The following MITF variants were observed in gnomAD, a reference collection of about 807,000 sequenced individuals.
The protein encoded by MITF is melanocyte inducing transcription factor, also known as microphthalmia-associated transcription factor.
A neutral mutation model predicts 60.5 loss-of-function variants in MITF; 17 were observed. The observed-to-expected ratio is 0.28, with a 90% confidence interval of 0.19 to 0.42. The LOEUF is 0.42. MITF is among the 10% of genes least tolerant of loss of function. The pLI, the probability that MITF is intolerant of heterozygous loss-of-function variation, is 1.00. For missense variants in MITF, 622 were observed against 683.5 expected, an observed-to-expected ratio of 0.91 and a Z score of 1.00; for synonymous variants, 260 against 248.5, an observed-to-expected ratio of 1.05 and a Z score of -0.43.
chr3:69,857,661 G>A (rs544249596), intron 1 of MITF, among the ~76,000 whole-genome samples: 2 of 152,034 alleles, frequency 1.3e-5, no homozygotes, highest in African/African-American at 4.8e-5. Context: ...GGTTGCAAAT[G>A]CATTCAATTT....
chr3:69,826,362 GA>G (rs2063354397), intron 1 of MITF, among the ~76,000 whole-genome samples: 1 of 152,156 alleles, frequency 6.6e-6, no homozygotes, highest in Non-Finnish European at 1.5e-5. Context: ...TTGGGAAATT[GA>G]TTCTTCCTCA....
At chr3:69,795,826 G>A (rs7634376) in intron 1 of MITF, among the ~76,000 whole-genome samples, 52,451 of 151,824 alleles carry the variant, frequency 0.35, 9,932 homozygotes, top group Non-Finnish European at 0.42. Context: ...AATTTCAAAG[G>A]CACGTATTTA....
At chr3:69,752,694 A>G (rs573587380) in intron 1 of MITF, among the ~76,000 whole-genome samples, 1 of 152,330 alleles carries the variant, frequency 6.6e-6, no homozygotes, top group South Asian at 2.1e-4. Context: ...GAAGCAGAGT[A>G]TAAAAGTTTG....
chr3:69,766,395 T>TC (rs2062294659), intron 1 of MITF, among the ~76,000 whole-genome samples: 1 of 145,194 alleles, frequency 6.9e-6, no homozygotes, highest in Non-Finnish European at 1.5e-5. Flanking sequence ...TTTTTTTTTT[T>TC]TTTTTTTTTT....
At chr3:69,857,102 G>C (rs1212917222) in intron 1 of MITF, among the ~76,000 whole-genome samples, 1 of 151,938 alleles carries the variant, frequency 6.6e-6, no homozygotes. Context: ...ATGAAGTAGT[G>C]ACCTAAACAG....
chr3:69,813,579 A>G (rs2063134452), intron 1 of MITF, among the ~76,000 whole-genome samples: 1 of 152,160 alleles, frequency 6.6e-6, no homozygotes, highest in Admixed American at 6.6e-5. Flanking sequence ...ATTGGAACAC[A>G]AGTCTCTTGA....
intron 1 of MITF, among the ~76,000 whole-genome samples, chr3:69,814,377 G>A (rs891972360): frequency 3.9e-5 from 6 of 151,976 alleles, no homozygotes; most frequent in African/African-American, 1.2e-4. Context: ...CACCTAGGAC[G>A]GCGTGCAGTG....
At chr3:69,804,015 G>A (rs183320691) in intron 1 of MITF, among the ~76,000 whole-genome samples, 1 of 152,012 alleles carries the variant, frequency 6.6e-6, no homozygotes, top group Non-Finnish European at 1.5e-5. Context: ...CCTGTGCTGG[G>A]CTTATGGAAG....
chr3:69,864,252 A>G (rs1190952734), intron 1 of MITF, among the ~76,000 whole-genome samples: 4 of 152,200 alleles, frequency 2.6e-5, no homozygotes, highest in Admixed American at 2.6e-4. Flanking sequence ...CTGGATAAAT[A>G]AACGTCAGAA....
intron 1 of MITF, among the ~76,000 whole-genome samples, chr3:69,795,762 A>C (rs2062817137): frequency 6.6e-6 from 1 of 152,176 alleles, no homozygotes; most frequent in African/African-American, 2.4e-5. Context: ...TAATTACAAC[A>C]TGCAAATATT....
intron 1 of MITF, among the ~76,000 whole-genome samples, chr3:69,768,497 G>C (rs1420764651): frequency 6.6e-6 from 1 of 152,168 alleles, no homozygotes; most frequent in Non-Finnish European, 1.5e-5. Flanking sequence ...TATTTTACAT[G>C]GAAGAATCCG....
chr3:69,750,955 G>C (rs964094443), intron 1 of MITF, among the ~76,000 whole-genome samples: 5 of 152,040 alleles, frequency 3.3e-5, no homozygotes, highest in Admixed American at 1.3e-4. Flanking sequence ...CTAAAGATGG[G>C]GCTAACCAGG....
intron 1 of MITF, among the ~76,000 whole-genome samples, chr3:69,834,025 A>AT (rs1404721440): frequency 2.0e-5 from 3 of 152,194 alleles, no homozygotes; most frequent in African/African-American, 7.2e-5. Flanking sequence ...TTACTAATTT[A>AT]TTTTTAAAAT....
chr3:69,915,360 T>G (rs1209768681), intron 2 of MITF, among the ~76,000 whole-genome samples: 1 of 152,126 alleles, frequency 6.6e-6, no homozygotes, highest in Non-Finnish European at 1.5e-5. Flanking sequence ...TAGATTTCCT[T>G]TAAACACAAG....
intron 2 of MITF, among the ~76,000 whole-genome samples, chr3:69,891,548 T>C (rs1228736696): frequency 6.6e-6 from 1 of 152,222 alleles, no homozygotes; most frequent in East Asian, 1.9e-4. Context: ...TTAATCTGTG[T>C]TTTAACCAGC....
intron 1 of MITF, among the ~76,000 whole-genome samples, chr3:69,857,496 TC>T (rs1034130737): frequency 6.6e-6 from 1 of 151,934 alleles, no homozygotes; most frequent in Admixed American, 6.6e-5. Flanking sequence ...TCCTCTTTTT[TC>T]ACATAAGGCA....
chr3:69,945,794 C>A (rs1445501630), intron 5 of MITF, among the ~76,000 whole-genome samples: 2 of 152,172 alleles, frequency 1.3e-5, no homozygotes, highest in African/African-American at 4.8e-5. Flanking sequence ...AAATCCCCTG[C>A]AGGTGCATCA....
At chr3:69,838,885 G>A (rs767964911) in intron 1 of MITF, among the ~76,000 whole-genome samples, 4 of 152,190 alleles carry the variant, frequency 2.6e-5, no homozygotes, top group Non-Finnish European at 4.4e-5. Context: ...AAGGTCATGT[G>A]TAAGTTCTGT....
At chr3:69,935,837 A>C (rs2065821054) in intron 2 of MITF, among the ~76,000 whole-genome samples, 1 of 152,222 alleles carries the variant, frequency 6.6e-6, no homozygotes, top group Non-Finnish European at 1.5e-5. Context: ...AACAGTCAAT[A>C]ATGAATGAAT....
Sources: allele counts gnomAD v4.1 joint callset (sites outside exome capture counted in the v4.1 genomes callset), GRCh38; gene constraint gnomAD v4.1.1; transcripts MANE v1.5; gene names NCBI Gene and HGNC (gene_info 2026-07-23, HGNC 2026-07-21).